Variants in RASAL2 observed in about 807,000 individuals in gnomAD.
RASAL2 encodes RAS protein activator like 2.
In RASAL2, 58 loss-of-function variants were observed where a neutral mutation model predicts 128.9. The ratio of observed to expected loss-of-function variants is 0.45; its 90% confidence interval spans 0.36 to 0.56. The LOEUF (loss-of-function observed/expected upper bound fraction) is 0.56. Ranked by LOEUF, RASAL2 falls within the 20% of genes least tolerant of loss-of-function variation. The pLI is 0.00. For missense variants in RASAL2, 1,360 were observed against 1,601.6 expected, an observed-to-expected ratio of 0.85 and a Z score of 2.57; for synonymous variants, 561 against 580.8, an observed-to-expected ratio of 0.97 and a Z score of 0.49.
chr1:178,314,662 T>G (rs1216834121), intron 3 of RASAL2, among the ~76,000 whole-genome samples: 1 of 152,224 alleles, frequency 6.6e-6, no homozygotes, highest in African/African-American at 2.4e-5. Context: ...ATTTTTAGTG[T>G]TTCTCTGTGA....
intron 1 of RASAL2, among the ~76,000 whole-genome samples, chr1:178,187,737 T>C (rs988876253): frequency 6.6e-6 from 1 of 152,136 alleles, no homozygotes; most frequent in Non-Finnish European, 1.5e-5. Flanking sequence ...GATTGAAAGC[T>C]TTATTAGGGT....
intron 1 of RASAL2, among the ~76,000 whole-genome samples, chr1:178,191,819 A>C (rs147266072): frequency 1.9e-3 from 289 of 152,322 alleles, no homozygotes; most frequent in Non-Finnish European, 3.3e-3. Context: ...CAATAAGTAA[A>C]TGTTTATTTA....
chr1:178,437,456 A>G (rs867252990), intron 5 of RASAL2, among the ~76,000 whole-genome samples: 33 of 152,224 alleles, frequency 2.2e-4, no homozygotes, highest in African/African-American at 7.0e-4. Context: ...TGGCTCTACC[A>G]TTGCTTCATG....
At chr1:178,260,349 T>A (rs1665621877) in intron 1 of RASAL2, among the ~76,000 whole-genome samples, 1 of 678 alleles carries the variant, frequency 1.5e-3, no homozygotes, top group Non-Finnish European at 2.6e-3. Flanking sequence ...GAGACTCGTC[T>A]CAAAAAAAAA....
intron 1 of RASAL2, among the ~76,000 whole-genome samples, chr1:178,225,528 A>G (rs1223485222): frequency 6.6e-6 from 1 of 151,464 alleles, no homozygotes; most frequent in Non-Finnish European, 1.5e-5. Flanking sequence ...TTTTCTTGTC[A>G]CTGTTATGAA....
intron 6 of RASAL2, among the ~76,000 whole-genome samples, chr1:178,441,204 C>CAT (rs1676624708): frequency 6.6e-6 from 1 of 152,116 alleles, no homozygotes; most frequent in African/African-American, 2.4e-5. Flanking sequence ...AGGTTCATAG[C>CAT]ATATGTCTAA....
intron 3 of RASAL2, among the ~76,000 whole-genome samples, chr1:178,308,544 T>TC (rs1299093572): frequency 6.7e-6 from 1 of 150,036 alleles, no homozygotes; most frequent in Non-Finnish European, 1.5e-5. Context: ...ATTAGCTTTT[T>TC]TTTTTTTTTT....
In RASAL2 at chr1:178,452,433, T is replaced by G. The variant is rs1677442589; in HGVS notation, c.1790T>G (p.Leu597Trp). Residue 597 changes from leucine (L) to tryptophan (W), a missense_variant, in exon 11 of 18, where the codon TTG becomes TGG. Physicochemically the swap from Leu to Trp is moderately conservative, Grantham distance 61. Transcript: ENST00000367649. ...TTCCCTAGTGTTTTCCCTCGTGAGT[T>G]GAAAGAAGTGTTTGCATCATGGAAG... ...INSYCVFPRE[L>W]KEVFASWKQQ... 2 of 1,614,032 alleles carry G rather than the reference T, an allele frequency of 1.2e-6. No individual in the cohort carries two copies. Among genetic ancestry groups the G allele is most frequent in the Non-Finnish European group, 1.7e-6 (2 of 1,179,896 alleles).
chr1:178,122,717 T>C (rs1023698300), intron 1 of RASAL2, among the ~76,000 whole-genome samples: 1 of 152,196 alleles, frequency 6.6e-6, no homozygotes, highest in African/African-American at 2.4e-5. Flanking sequence ...TCTTGTAATA[T>C]ATAAAATTAT....
intron 1 of RASAL2, among the ~76,000 whole-genome samples, chr1:178,245,850 T>C (rs572786814): frequency 6.6e-6 from 1 of 152,302 alleles, no homozygotes; most frequent in South Asian, 2.1e-4. Context: ...CTTTTTTTGG[T>C]CAGGTTTGTC....
intron 1 of RASAL2, among the ~76,000 whole-genome samples, chr1:178,112,535 G>A (rs1659366451): frequency 1.3e-5 from 2 of 151,910 alleles, no homozygotes; most frequent in Non-Finnish European, 2.9e-5. Context: ...GGGTGACAGA[G>A]CGAGACTCCA....
chr1:178,250,170 G>A (rs1206488383), intron 1 of RASAL2, among the ~76,000 whole-genome samples: 1 of 152,232 alleles, frequency 6.6e-6, no homozygotes, highest in African/African-American at 2.4e-5. Context: ...CTGAAGCTGC[G>A]CCCACAGCCG....
chr1:178,416,564 T>C (rs1344313473), intron 4 of RASAL2, among the ~76,000 whole-genome samples: 3 of 152,140 alleles, frequency 2.0e-5, no homozygotes, highest in African/African-American at 7.2e-5. Context: ...CTCTTTGTTT[T>C]CTTAAGAAGG....
Position 178,445,682 on chromosome 1 carries a change from C to T in RASAL2, c.1627+20C>T, listed in dbSNP as rs1395842852. ...CACTGGGTATGAAAGAGAAAAACAT[C>T]TATTTTCTTTTATTTACTTTTCAGT... On this transcript the variant is annotated intron_variant, in intron 9 of 17. Transcript: ENST00000367649. 1.3e-6 allele frequency: 2 copies of T among 1,588,212 alleles called. No individual in the cohort carries two copies. Among genetic ancestry groups the T allele is most frequent in the Non-Finnish European group, 8.6e-7 (1 of 1,168,070 alleles).
At chr1:178,233,828 C>T (rs995571592) in intron 1 of RASAL2, among the ~76,000 whole-genome samples, 3 of 152,126 alleles carry the variant, frequency 2.0e-5, no homozygotes, top group Non-Finnish European at 2.9e-5. Flanking sequence ...CCAATGGCTT[C>T]TCCAGGATGC....
chr1:178,126,051 C>T (rs993076762), intron 1 of RASAL2, among the ~76,000 whole-genome samples: 2 of 152,162 alleles, frequency 1.3e-5, no homozygotes, highest in Non-Finnish European at 2.9e-5. Flanking sequence ...TCAGAACTTA[C>T]TACTTGTATA....
At chr1:178,100,908 C>G (rs1404122168) in intron 1 of RASAL2, among the ~76,000 whole-genome samples, 2 of 152,126 alleles carry the variant, frequency 1.3e-5, no homozygotes, top group African/African-American at 4.8e-5. Context: ...GTTGTTTGGT[C>G]TTGTTAACCA....
At chr1:178,442,002 AGAGT>A (rs1489629249) in intron 7 of RASAL2, among the ~76,000 whole-genome samples, 1 of 152,064 alleles carries the variant, frequency 6.6e-6, no homozygotes, top group Non-Finnish European at 1.5e-5. Context: ...AGCGAGAGAG[AGAGT>A]GTGTGTGTGA....
intron 1 of RASAL2, among the ~76,000 whole-genome samples, chr1:178,118,405 C>T (rs772148957): frequency 6.6e-6 from 1 of 152,046 alleles, no homozygotes; most frequent in Non-Finnish European, 1.5e-5. Context: ...AGTGGAAGCC[C>T]TGAGCTCGTT....
Sources: allele counts gnomAD v4.1 joint callset (sites outside exome capture counted in the v4.1 genomes callset), GRCh38; gene constraint gnomAD v4.1.1; transcripts MANE v1.5; gene names NCBI Gene and HGNC (gene_info 2026-07-23, HGNC 2026-07-21).